PLEKHA8: variants seen among roughly 807,000 people sequenced by gnomAD.
The protein encoded by PLEKHA8 is pleckstrin homology domain-containing family A member 8.
PLEKHA8 carries 36 observed loss-of-function variants against 68.2 expected under a neutral mutation model. That is an observed-to-expected ratio of 0.53 (90% CI 0.40 to 0.70). The LOEUF (loss-of-function observed/expected upper bound fraction) is 0.70, where lower values mean the gene tolerates loss of function less well. Among genes scored for constraint, PLEKHA8 ranks in the 30% least tolerant of loss-of-function variants. The pLI is 0.00. For missense variants in PLEKHA8, 505 were observed against 615.4 expected, an observed-to-expected ratio of 0.82 and a Z score of 1.90; for synonymous variants, 211 against 216.1, an observed-to-expected ratio of 0.98 and a Z score of 0.20.
chr7:30,073,322 G>GA (rs890094002), intron 12 of PLEKHA8, among the ~76,000 whole-genome samples: 1 of 151,962 alleles, frequency 6.6e-6, no homozygotes, highest in African/African-American at 2.4e-5. Flanking sequence ...GTTAAAATTG[G>GA]AAAAAATCTT....
At position 30,084,558 on chromosome 7, in the gene PLEKHA8, G is replaced by A; in HGVS notation, c.*5771G>A. The A allele has an allele frequency of 1.0e-6, 1 of 985,118 alleles. No individual in the cohort carries two copies. The highest frequency in any genetic ancestry group is 1.2e-6 in the Non-Finnish European group (1 of 829,678). 61.0% of individuals were successfully genotyped at this position (985,118 alleles called of 1,614,324 possible). On this transcript the variant is annotated 3_prime_UTR_variant, in exon 14 of 14. Coordinates refer to ENST00000449726, the MANE Select transcript of PLEKHA8 (RefSeq NM_001197026.2). ...TATTCTCTATCTTGTGGGGAGGGGTGACAGGGGAGGGTTTTACTTTTTTTG... is the reference window on the plus strand; with the variant it reads ...TATTCTCTATCTTGTGGGGAGGGGTAACAGGGGAGGGTTTTACTTTTTTTG...
intron 1 of PLEKHA8, among the ~76,000 whole-genome samples, chr7:30,029,270 T>C (rs1353892433): frequency 6.6e-6 from 1 of 152,212 alleles, no homozygotes; most frequent in Non-Finnish European, 1.5e-5. Context: ...GCAAACACTT[T>C]CCCTTTGTCA....
At chr7:30,077,880 G>T (rs992307172) in intron 13 of PLEKHA8, among the ~76,000 whole-genome samples, 2 of 152,124 alleles carry the variant, frequency 1.3e-5, no homozygotes, top group Non-Finnish European at 2.9e-5. Context: ...TAGGAAATCT[G>T]TTAGGCAAGT....
intron 13 of PLEKHA8, among the ~76,000 whole-genome samples, chr7:30,123,236 C>CA (rs1796721675): frequency 6.6e-6 from 1 of 152,202 alleles, no homozygotes; most frequent in African/African-American, 2.4e-5. Context: ...ATGGATGAAA[C>CA]AGTAATGTCC....
chr7:30,098,599 G>A lies in PLEKHA8; in HGVS notation c.1362+24467G>A, dbSNP rs191603980. Among the ~76,000 whole-genome samples, 1,298 of 152,354 alleles carry A rather than the reference G, an allele frequency of 8.5e-3. 22 individuals carry two copies. The highest frequency in any genetic ancestry group is 0.03 in the African/African-American group (1,250 of 41,578). ...TCTCAGACTGCTGTGCTAGCAATGA[G>A]CGAGGCTCCGTGGGCGTAGGACCCT... On this transcript the variant is annotated intron_variant, in intron 13 of 13. Transcript: ENST00000396257.
chr7:30,124,655 C>T (rs960171574), intron 13 of PLEKHA8, among the ~76,000 whole-genome samples: 6 of 152,112 alleles, frequency 3.9e-5, no homozygotes, highest in Non-Finnish European at 2.9e-5. Flanking sequence ...GATTCTAGGT[C>T]TTACCAGAAT....
At chr7:30,098,627 A>G (rs1795725368) in intron 13 of PLEKHA8, among the ~76,000 whole-genome samples, 2 of 152,236 alleles carry the variant, frequency 1.3e-5, no homozygotes, top group Non-Finnish European at 2.9e-5. Context: ...AGGACCCTCC[A>G]AGCCAGGTGC....
chr7:30,040,932 A>G (rs1212384331), intron 1 of PLEKHA8, among the ~76,000 whole-genome samples: 1 of 152,238 alleles, frequency 6.6e-6, no homozygotes, highest in African/African-American at 2.4e-5. Context: ...TCTAGTGGTC[A>G]TCTAAGGGAG....
chr7:30,079,794 G>A lies in PLEKHA8; in HGVS notation c.*1007G>A, dbSNP rs876050. The A allele has an allele frequency of 0.16, 138,583 of 860,948 alleles. 11,334 individuals carry two copies. The highest frequency in any genetic ancestry group is 0.2 in the Middle Eastern group (329 of 1,664). 53.3% of individuals were successfully genotyped at this position (860,948 alleles called of 1,614,324 possible). On this transcript the variant is annotated 3_prime_UTR_variant, in exon 14 of 14. Transcript: ENST00000449726. ...GTGGGACATAGGAATCTGCATTTCA[G>A]TAAACTTTACACGTGATTCTTCTGC...
chr7:30,036,449 TAGATAGA>T (rs1791101514), intron 1 of PLEKHA8, among the ~76,000 whole-genome samples: 1 of 150,228 alleles, frequency 6.7e-6, no homozygotes, highest in Non-Finnish European at 1.5e-5. Context: ...GATAGATAGA[TAGATAGA>T]TAGATAGATT....
intron 13 of PLEKHA8, among the ~76,000 whole-genome samples, chr7:30,098,121 G>C (rs938797048): frequency 6.6e-6 from 1 of 152,246 alleles, no homozygotes; most frequent in Non-Finnish European, 1.5e-5. Context: ...GGTATCAGCA[G>C]CGGTGGCTGC....
At chr7:30,049,480 A>C in intron 5 of PLEKHA8, 98 bp downstream of exon 5, 1 of 1,444,968 alleles carries the variant, frequency 6.9e-7, no homozygotes, top group African/African-American at 1.4e-5. Flanking sequence ...TGACTTATAA[A>C]GACAGTTTTT....
At position 30,081,586 on chromosome 7, in the gene PLEKHA8, A is replaced by G. The variant is rs1794931947; in HGVS notation, c.*2799A>G. ...CCTCCAAGACTTCTGGGACAACTAA[A>G]TTTACTTTCACCATTACTGTGAGAG... On this transcript the variant is annotated 3_prime_UTR_variant, in exon 14 of 14. Transcript: ENST00000449726. 1 of 985,208 alleles carries G rather than the reference A, an allele frequency of 1.0e-6. No individual in the cohort carries two copies. Among genetic ancestry groups the G allele is most frequent in the Non-Finnish European group, 1.2e-6 (1 of 829,770 alleles). The allele number at this position is 985,208 out of a possible 1,614,324, so 61.0% of individuals were successfully genotyped here.
intron 1 of PLEKHA8, among the ~76,000 whole-genome samples, chr7:30,034,680 GA>G (rs887675718): frequency 5.2e-4 from 79 of 152,334 alleles, no homozygotes; most frequent in African/African-American, 1.8e-3. Context: ...AGAGGAAGAG[GA>G]AGAGGAGGGG....
chr7:30,115,655 T>A (rs185084945), intron 13 of PLEKHA8, among the ~76,000 whole-genome samples: 1 of 151,728 alleles, frequency 6.6e-6, no homozygotes, highest in Non-Finnish European at 1.5e-5. Context: ...CATGTACACA[T>A]ACATGTATAC....
chr7:30,116,075 T>C (rs891296710), intron 13 of PLEKHA8: 1 of 143,522 alleles, frequency 7.0e-6, no homozygotes. Context: ...CGTATACATG[T>C]ATACATACGC....
chr7:30,074,413 T>C (rs1562532712), intron 13 of PLEKHA8, among the ~76,000 whole-genome samples: 1 of 152,162 alleles, frequency 6.6e-6, no homozygotes, highest in African/African-American at 2.4e-5. Flanking sequence ...TAAAGAAATA[T>C]GAATAAAAGA....
intron 12 of PLEKHA8, among the ~76,000 whole-genome samples, chr7:30,064,498 A>C (rs1485039519): frequency 3.9e-5 from 6 of 152,110 alleles, no homozygotes; most frequent in Non-Finnish European, 7.4e-5. Context: ...AATTGTGATC[A>C]TGGCACTGTA....
chr7:30,086,784 A>C (rs1412782147), downstream of PLEKHA8, among the ~76,000 whole-genome samples: 1 of 151,920 alleles, frequency 6.6e-6, no homozygotes, highest in Non-Finnish European at 1.5e-5. Context: ...TTTTTCTTTC[A>C]CTCTTGTTGG....
Sources: gnomAD v4.1 joint callset for allele counts (sites outside exome capture counted in the v4.1 genomes callset) on GRCh38, gnomAD v4.1.1 for gene constraint, MANE v1.5 for transcripts, NCBI Gene and HGNC (gene_info 2026-07-23, HGNC 2026-07-21) for gene names.